The following TFCP2 variants were observed in gnomAD, a reference collection of about 807,000 sequenced individuals.
TFCP2 encodes transcription factor CP2.
TFCP2 carries 33 observed loss-of-function variants against 73.4 expected under a neutral mutation model. The observed-to-expected ratio is 0.45, with a 90% CI of 0.34 to 0.60. The LOEUF is 0.60. TFCP2 is among the 20% of genes least tolerant of loss of function. The pLI, the probability that TFCP2 is intolerant of heterozygous loss-of-function variation, is 0.01. For missense variants in TFCP2, 352 were observed against 604.0 expected (o/e 0.58, Z 4.37); for synonymous variants, 193 against 211.6 (o/e 0.91, Z 0.76).
At position 51,172,668 on chromosome 12, in the gene TFCP2, G is replaced by C. The variant is rs1179489607; in HGVS notation, c.-246C>G. 4 of 449,078 alleles carry C rather than the reference G, an allele frequency of 8.9e-6. No homozygotes were observed. Among genetic ancestry groups the C allele is most frequent in the Non-Finnish European group, 1.6e-5 (4 of 245,244 alleles). The allele number at this position is 449,078 out of a possible 1,614,324, so 27.8% of individuals were successfully genotyped here. Reference sequence around the variant, plus strand: ...CCCTGCCCAGCTCTCAGGAACGTGAGGACCCCTTTGCTCAACTACTGCAGA... The same window carrying C: ...CCCTGCCCAGCTCTCAGGAACGTGACGACCCCTTTGCTCAACTACTGCAGA... On this transcript the variant is annotated 5_prime_UTR_variant, in exon 1 of 15. Coordinates refer to ENST00000257915, the MANE Select transcript of TFCP2 (RefSeq NM_005653.5).
At chr12:51,120,985 A>G (rs1252309858) in intron 1 of TFCP2, among the ~76,000 whole-genome samples, 1 of 151,768 alleles carries the variant, frequency 6.6e-6, no homozygotes, top group Non-Finnish European at 1.5e-5. Flanking sequence ...AGGGTTCATC[A>G]TATTATTCTG....
chr12:51,108,447 A>G lies in TFCP2; in HGVS notation c.717+674T>C, dbSNP rs188132899. Among the ~76,000 whole-genome samples, 10 of 152,218 alleles carry G rather than the reference A, an allele frequency of 6.6e-5. No homozygotes were observed. In the East Asian group the frequency reaches 1.6e-3, roughly 24 times the overall value. On this transcript the variant is annotated intron_variant, in intron 6 of 14. Transcript: ENST00000257915. Reference sequence around the variant, plus strand: ...ACCTCTGTATTATTCAATCTCTTACAATGAGAACATATTTATTCATGTGAT... The same window carrying G: ...ACCTCTGTATTATTCAATCTCTTACGATGAGAACATATTTATTCATGTGAT...
At chr12:51,143,715 G>A (rs1941234520) in intron 1 of TFCP2, among the ~76,000 whole-genome samples, 1 of 152,226 alleles carries the variant, frequency 6.6e-6, no homozygotes, top group South Asian at 2.1e-4. Flanking sequence ...GTTGGGGCCA[G>A]AATTCAAACC....
intron 1 of TFCP2, among the ~76,000 whole-genome samples, chr12:51,129,007 T>C (rs527479252): frequency 6.6e-6 from 1 of 151,896 alleles, no homozygotes; most frequent in Non-Finnish European, 1.5e-5. Context: ...AAATCAACAA[T>C]AACAACAAAA....
At position 51,137,784 on chromosome 12, in the gene TFCP2, T is replaced by C. The variant is rs1941094520; in HGVS notation, c.123-19012A>G. Among the ~76,000 whole-genome samples the C allele has an allele frequency of 2.6e-5, 4 of 152,340 alleles. No individual in the cohort carries two copies. In the South Asian group the frequency reaches 8.3e-4, roughly 32 times the overall value. Reference sequence around the variant, plus strand: ...TTCAAAGATCAAATGTATATCATCATAGTATGGCATAACTGGGAAAACACC... The same window carrying C: ...TTCAAAGATCAAATGTATATCATCACAGTATGGCATAACTGGGAAAACACC... On this transcript the variant is annotated intron_variant, in intron 1 of 14. Coordinates refer to ENST00000257915, the MANE Select transcript of TFCP2 (RefSeq NM_005653.5).
chr12:51,124,592 C>A, intron 1 of TFCP2: 1 of 506,338 alleles, frequency 2.0e-6, no homozygotes, highest in South Asian at 1.5e-5. Flanking sequence ...CCTCATGGGG[C>A]AGCCGGAGGA....
intron 13 of TFCP2, among the ~76,000 whole-genome samples, chr12:51,096,941 T>C (rs1307563489): frequency 1.4e-5 from 2 of 145,574 alleles, no homozygotes; most frequent in Non-Finnish European, 3.0e-5. Context: ...TTCATAGATA[T>C]ACCTGTAATA....
chr12:51,124,784 C>T (rs1566212400), intron 1 of TFCP2: 2 of 823,430 alleles, frequency 2.4e-6, no homozygotes, highest in Non-Finnish European at 2.1e-6. Flanking sequence ...TTTTCTGCTG[C>T]TCAGCCTTTT....
chr12:51,136,307 A>T (rs1437943017), intron 1 of TFCP2, among the ~76,000 whole-genome samples: 4 of 151,552 alleles, frequency 2.6e-5, no homozygotes, highest in African/African-American at 9.7e-5. Context: ...CTAAATAAAA[A>T]AAAAAAAAAA....
At chr12:51,170,488 C>T (rs1941838713) in intron 1 of TFCP2, among the ~76,000 whole-genome samples, 1 of 151,966 alleles carries the variant, frequency 6.6e-6, no homozygotes, top group Non-Finnish European at 1.5e-5. Context: ...GCTACAGGAA[C>T]ATGCCACCAG....
chr12:51,126,449 T>TC (rs1940821764), intron 1 of TFCP2, among the ~76,000 whole-genome samples: 1 of 151,990 alleles, frequency 6.6e-6, no homozygotes, highest in Non-Finnish European at 1.5e-5. Flanking sequence ...TGCTTCATGG[T>TC]CCCCCGAGGT....
intron 1 of TFCP2, among the ~76,000 whole-genome samples, chr12:51,132,535 A>C (rs1212289364): frequency 6.6e-6 from 1 of 150,604 alleles, no homozygotes; most frequent in Non-Finnish European, 1.5e-5. Flanking sequence ...TGTCTGGCTA[A>C]TTTTTTGTAT....
intron 1 of TFCP2, among the ~76,000 whole-genome samples, chr12:51,132,387 T>TTTTTTTTTTTTA (rs1186866774): frequency 1.6e-5 from 2 of 127,582 alleles, no homozygotes; most frequent in African/African-American, 5.8e-5. Flanking sequence ...TTTTTTTTTT[T>TTTTTTTTTTTTA]AGACAGAGTC....
At chr12:51,132,526 G>T (rs1000412666) in intron 1 of TFCP2, among the ~76,000 whole-genome samples, 2 of 151,582 alleles carry the variant, frequency 1.3e-5, no homozygotes, top group Non-Finnish European at 2.9e-5. Flanking sequence ...GTACCACCAT[G>T]TCTGGCTAAT....
chr12:51,158,024 CAG>C (rs1941574785), intron 1 of TFCP2, among the ~76,000 whole-genome samples: 1 of 151,512 alleles, frequency 6.6e-6, no homozygotes, highest in South Asian at 2.1e-4. Flanking sequence ...TTTTTAGAAA[CAG>C]AGTCTTGTTC....
chr12:51,112,141 A>G (rs2136975638), intron 4 of TFCP2, among the ~76,000 whole-genome samples: 1 of 152,368 alleles, frequency 6.6e-6, no homozygotes, highest in South Asian at 2.1e-4. Flanking sequence ...CCTGGGTGAC[A>G]GAGCAAGACT....
chr12:51,168,602 A>G (rs1941798727), intron 1 of TFCP2, among the ~76,000 whole-genome samples: 1 of 151,924 alleles, frequency 6.6e-6, no homozygotes, highest in African/African-American at 2.4e-5. Context: ...CTCCCATCTC[A>G]GCCTCTGGAG....
chr12:51,105,907 T>G (rs961958085), intron 8 of TFCP2, among the ~76,000 whole-genome samples: 5 of 152,222 alleles, frequency 3.3e-5, no homozygotes, highest in African/African-American at 1.2e-4. Context: ...TGTTAAATGC[T>G]TGGACTATAA....
At chr12:51,100,171 T>C (rs1321537368) in intron 11 of TFCP2, among the ~76,000 whole-genome samples, 1 of 152,244 alleles carries the variant, frequency 6.6e-6, no homozygotes, top group East Asian at 1.9e-4. Context: ...TCATTTGAGT[T>C]TGTGGCCTTT....
Sources: gnomAD v4.1 joint callset for allele counts (sites outside exome capture counted in the v4.1 genomes callset) on GRCh38, gnomAD v4.1.1 for gene constraint, MANE v1.5 for transcripts, NCBI Gene and HGNC (gene_info 2026-07-23, HGNC 2026-07-21) for gene names.